Variants in LY86 observed in about 807,000 individuals in gnomAD.
LY86 encodes the protein MD-1, RP105-associated.
A neutral mutation model predicts 17.3 loss-of-function variants in LY86; 20 were observed. The ratio of observed to expected loss-of-function variants is 1.15; its 90% confidence interval spans 0.81 to 1.68. The LOEUF (loss-of-function observed/expected upper bound fraction) is 1.68, where lower values mean the gene tolerates loss of function less well. Among genes scored for constraint, LY86 ranks in the 40% most tolerant of loss-of-function variants. The pLI, the probability that LY86 is intolerant of heterozygous loss-of-function variation, is 0.00. For missense variants in LY86, 200 were observed against 191.9 expected (o/e 1.04, Z -0.25); for synonymous variants, 74 against 70.6 (o/e 1.05, Z -0.24).
At chr6:6,599,729 G>C (rs939169261) in intron 1 of LY86, among the ~76,000 whole-genome samples, 1 of 152,214 alleles carries the variant, frequency 6.6e-6, no homozygotes, top group African/African-American at 2.4e-5. Context: ...GCAAGATAAA[G>C]AGCCTCAGGG....
chr6:6,626,665 A>G (rs1262466871), intron 3 of LY86, among the ~76,000 whole-genome samples: 1 of 152,214 alleles, frequency 6.6e-6, no homozygotes, highest in Admixed American at 6.5e-5. Flanking sequence ...TTAAAACAGA[A>G]CATTGTTACT....
At chr6:6,649,498 T>TCGCC in intron 3 of LY86, 127 bp from the exon 4 acceptor site, 1 of 479,246 alleles carries the variant, frequency 2.1e-6, no homozygotes. Flanking sequence ...TGAAAACATT[T>TCGCC]CTAGCAATAG....
At chr6:6,648,609 C>T (rs140084726) in intron 3 of LY86, among the ~76,000 whole-genome samples, 1 of 152,294 alleles carries the variant, frequency 6.6e-6, no homozygotes, top group Non-Finnish European at 1.5e-5. Flanking sequence ...GACCTGCCAC[C>T]CTGTGGAACA....
intron 1 of LY86, among the ~76,000 whole-genome samples, chr6:6,602,194 T>C (rs1310073698): frequency 6.6e-6 from 1 of 152,204 alleles, no homozygotes; most frequent in African/African-American, 2.4e-5. Context: ...AATTATATAA[T>C]AGTTATGTAT....
At chr6:6,591,547 C>T (rs9405308) in intron 1 of LY86, 59,799 of 153,530 alleles carry the variant, frequency 0.39, 11,776 homozygotes, top group East Asian at 0.53. Context: ...AATGATAACA[C>T]CTCATGTTGG....
In LY86 at chr6:6,588,726, G is replaced by GCCC. The variant is rs1760427851; in HGVS notation, c.-6_-4dup. On this transcript the variant is annotated 5_prime_UTR_variant, in exon 1 of 5. Transcript: ENST00000230568. The stretch of plus-strand genomic sequence containing the variant: ...TTATTTTTCTGTGTGTCCCATACAG[G>GCCC]CCCCCACCATGAAGGGTTTCACAGC... The GCCC allele has an allele frequency of 6.2e-7, 1 of 1,613,664 alleles. No individual in the cohort carries two copies. Among genetic ancestry groups the GCCC allele is most frequent in the African/African-American group, 1.3e-5 (1 of 74,910 alleles).
intron 1 of LY86, among the ~76,000 whole-genome samples, chr6:6,604,799 C>G (rs1410194846): frequency 6.9e-6 from 1 of 145,828 alleles, no homozygotes; most frequent in Admixed American, 6.9e-5. Context: ...AGAAATTTCA[C>G]AATTAGACCA....
At position 6,654,551 on chromosome 6, in the gene LY86, A is replaced by G. The variant is rs1762232609; in HGVS notation, c.413A>G (p.Tyr138Cys). The stretch of plus-strand genomic sequence containing the variant: ...GACCTGTGCCCCTTGCAGGGAGAAT[A>G]CCAGGTTTTGCTGGAACTGTACACT... ...NPEFTIPQGE[Y>C]QVLLELYTEK... Residue 138 changes from tyrosine (Y) to cysteine (C), a missense_variant, in exon 5 of 5, where the codon TAC becomes TGC. Tyr to Cys is a radical substitution (Grantham distance 194, BLOSUM62 -2). Coordinates refer to ENST00000230568, the MANE Select transcript of LY86 (RefSeq NM_004271.4). 6.2e-7 allele frequency: 1 copy of G among 1,613,944 alleles called. No homozygotes were observed. The highest frequency in any genetic ancestry group is 8.5e-7 in the Non-Finnish European group (1 of 1,179,788).
chr6:6,625,144 C>G, intron 2 of LY86, 132 bp downstream of exon 2: 3 of 519,056 alleles, frequency 5.8e-6, no homozygotes, highest in East Asian at 3.5e-5. Context: ...GGAATTAACT[C>G]TATTTATATC....
At chr6:6,600,046 A>G (rs111284005) in intron 1 of LY86, among the ~76,000 whole-genome samples, 2,092 of 152,304 alleles carry the variant, frequency 0.014, 47 homozygotes, top group African/African-American at 0.047. Flanking sequence ...TGTTTTGCCC[A>G]AGAGCCTACA....
Position 6,609,305 on chromosome 6 carries a change from G to A in LY86, c.137-15621G>A, listed in dbSNP as rs138143490. On this transcript the variant is annotated intron_variant, in intron 1 of 4. Transcript: ENST00000230568. ...GCTTCATCTCATTGACATAAGAGATGCAGAAAGAAATGGCGAATTGGCTTT... is the reference window on the plus strand; with the variant it reads ...GCTTCATCTCATTGACATAAGAGATACAGAAAGAAATGGCGAATTGGCTTT... 3.3e-5 allele frequency among the ~76,000 whole-genome samples: 5 copies of A among 152,344 alleles called. No individual in the cohort carries two copies. In the East Asian group the frequency reaches 7.7e-4, roughly 23 times the overall value.
chr6:6,604,691 A>G (rs1224590253), intron 1 of LY86, among the ~76,000 whole-genome samples: 2 of 152,232 alleles, frequency 1.3e-5, no homozygotes, highest in South Asian at 2.1e-4. Flanking sequence ...TTCAATGTTT[A>G]TTAGCCAGAG....
intron 3 of LY86, among the ~76,000 whole-genome samples, chr6:6,632,254 G>T (rs149492190): frequency 5.3e-5 from 8 of 152,290 alleles, no homozygotes; most frequent in Non-Finnish European, 1.2e-4. Context: ...GAGCACCTTA[G>T]GAAAAAGCCA....
chr6:6,644,995 G>C (rs1305099537), intron 3 of LY86, among the ~76,000 whole-genome samples: 2 of 152,150 alleles, frequency 1.3e-5, no homozygotes, highest in Admixed American at 1.3e-4. Flanking sequence ...TAAACTGTAA[G>C]AGACCAATTT....
At chr6:6,612,255 T>C (rs1039279037) in intron 1 of LY86, among the ~76,000 whole-genome samples, 2 of 152,162 alleles carry the variant, frequency 1.3e-5, no homozygotes, top group South Asian at 2.1e-4. Flanking sequence ...TTATTCCTTC[T>C]GATGTTCAGA....
At chr6:6,652,113 T>G (rs1336099032) in intron 4 of LY86, among the ~76,000 whole-genome samples, 1 of 150,792 alleles carries the variant, frequency 6.6e-6, no homozygotes, top group Non-Finnish European at 1.5e-5. Context: ...GTAAAAAGCT[T>G]TATTTTAATC....
At chr6:6,605,577 C>G (rs1024115403) in intron 1 of LY86, among the ~76,000 whole-genome samples, 15 of 152,388 alleles carry the variant, frequency 9.8e-5, no homozygotes, top group African/African-American at 3.6e-4. Flanking sequence ...GGAGAAAGCG[C>G]ATGACAGCTG....
chr6:6,600,572 AGAGT>A (rs1212371246), intron 1 of LY86, among the ~76,000 whole-genome samples: 18 of 125,050 alleles, frequency 1.4e-4, no homozygotes, highest in African/African-American at 5.0e-4. Flanking sequence ...CCTGAGAGAC[AGAGT>A]GAGACTCCAT....
chr6:6,608,512 G>A (rs1392311408), intron 1 of LY86, among the ~76,000 whole-genome samples: 1 of 152,162 alleles, frequency 6.6e-6, no homozygotes, highest in Admixed American at 6.5e-5. Flanking sequence ...TATGTCTCCT[G>A]TGTCAGAAAA....
Sources: gnomAD v4.1 joint callset for allele counts (sites outside exome capture counted in the v4.1 genomes callset) on GRCh38, gnomAD v4.1.1 for gene constraint, MANE v1.5 for transcripts, NCBI Gene and HGNC (gene_info 2026-07-23, HGNC 2026-07-21) for gene names.